The following EMC10 variants were observed in gnomAD, a reference collection of about 807,000 sequenced individuals.
The protein encoded by EMC10 is ER membrane protein complex subunit 10.
A neutral mutation model predicts 32.2 loss-of-function variants in EMC10; 40 were observed. The ratio of observed to expected loss-of-function variants is 1.24; its 90% CI spans 0.96 to 1.61. The LOEUF is 1.61. Ranked by LOEUF, EMC10 falls within the 40% of genes most tolerant of loss-of-function variation. The pLI, the probability that EMC10 is intolerant of heterozygous loss-of-function variation, is 0.00. For synonymous variants in EMC10, 178 were observed against 158.4 expected (o/e 1.12, Z -0.93); for missense variants, 402 against 357.7 (o/e 1.12, Z -1.00).
At position 50,476,572 on chromosome 19, in the gene EMC10, C is replaced by A; in HGVS notation, c.28C>A (p.Arg10=). ...GGCGGCAGCCAGCGCTGGGGCAACC[C>A]GGCTGCTCCTGCTCTTGCTGATGGC... MAAASAGAT[R]LLLLLLMAVA... The change falls in exon 1 of 7, where the codon CGG becomes AGG. Residue 10 remains arginine (R), a synonymous_variant. Coordinates refer to ENST00000334976, the MANE Select transcript of EMC10 (RefSeq NM_206538.4). 1 of 1,575,526 alleles carries A rather than the reference C, an allele frequency of 6.3e-7. No individual in the cohort carries two copies. Among genetic ancestry groups the A allele is most frequent in the African/African-American group, 1.3e-5 (1 of 74,078 alleles).
rs1470035356 is a variant in EMC10 at position 50,482,296 on chromosome 19, A to G, written c.*37A>G. Reference sequence around the variant, plus strand: ...GGTCAGCGTCCCGTCTTGCACACCCAGGGGCCTCCCTTTCTGCTGGAGTCC... The same window carrying G: ...GGTCAGCGTCCCGTCTTGCACACCCGGGGGCCTCCCTTTCTGCTGGAGTCC... On this transcript the variant is annotated 3_prime_UTR_variant, in exon 7 of 7. Transcript: ENST00000334976. 1 of 859,848 alleles carries G rather than the reference A, an allele frequency of 1.2e-6. No homozygotes were observed. The allele number at this position is 859,848 out of a possible 1,614,324, so 53.3% of individuals were successfully genotyped here. A position where few individuals can be genotyped will look rare whatever the true frequency, so the allele number is the denominator to read the frequency against.
Position 50,487,241 on chromosome 19 carries a change from C to T in EMC10, c.*4982C>T, listed in dbSNP as rs1407752863. ...TCAGTGCTGAGGTGCTTCATGTTGT[C>T]AGAGGAAGAGTTGGGAAGGGAGCGG... On this transcript the variant is annotated 3_prime_UTR_variant, in exon 7 of 7. Transcript: ENST00000334976. 1 of 152,194 alleles carries T rather than the reference C, an allele frequency of 6.6e-6. No homozygotes were observed. Among genetic ancestry groups the T allele is most frequent in the African/African-American group, 2.4e-5 (1 of 41,428 alleles). The allele number at this position is 152,194 out of a possible 1,614,324, so 9.4% of individuals were successfully genotyped here.
In EMC10 at chr19:50,482,315, G is replaced by C. The variant is rs1178065935; in HGVS notation, c.*56G>C. On this transcript the variant is annotated 3_prime_UTR_variant, in exon 7 of 7. Transcript: ENST00000334976. ...ACACCCAGGGGCCTCCCTTTCTGCT[G>C]GAGTCCCCTGTGTCCTCAGCCATCC... 1 of 750,964 alleles carries C rather than the reference G, an allele frequency of 1.3e-6. No individual in the cohort carries two copies. The highest frequency in any genetic ancestry group is 2.3e-6 in the Non-Finnish European group (1 of 443,084). 46.5% of individuals were successfully genotyped at this position (750,964 alleles called of 1,614,324 possible).
intron 2 of EMC10, 131 bp from the exon 3 acceptor site, chr19:50,478,826 G>A (rs886712085): frequency 1.5e-6 from 1 of 659,920 alleles, no homozygotes; most frequent in Non-Finnish European, 2.7e-6. Context: ...CAAAATGGGG[G>A]CCCAGATGGG....
intron 6 of EMC10, chr19:50,481,617 C>T: frequency 1.9e-6 from 1 of 532,782 alleles, no homozygotes; most frequent in Non-Finnish European, 3.3e-6. Flanking sequence ...TGGCCCGAGG[C>T]AGGCTAGGAG....
chr19:50,481,843 C>T (rs772509211), intron 6 of EMC10: 32 of 1,550,760 alleles, frequency 2.1e-5, no homozygotes, highest in South Asian at 9.4e-5. Flanking sequence ...CCCTGACCTG[C>T]GCTCCCTCCC....
intron 2 of EMC10, 106 bp from the exon 3 acceptor site, chr19:50,478,849 TCA>T: frequency 4.1e-6 from 3 of 739,872 alleles, no homozygotes; most frequent in Non-Finnish European, 6.9e-6. Context: ...GGGAACCTGG[TCA>T]CTCGGGTGGA....
rs1277451291 is a variant in EMC10, at chr19:50,476,660, T to A, written c.114+2T>A. 6.6e-7 allele frequency: 1 copy of A among 1,515,464 alleles called. No homozygotes were observed. The allele number at this position is 1,515,464 out of a possible 1,614,324, so 93.9% of individuals were successfully genotyped here. ...CGGGCCGGGACTGGTGCGCGAGGGG[T>A]GAGTGCTCTTTAGCTGTGCATAGCG... On this transcript the variant is annotated splice_donor_variant, in intron 1 of 6. Coordinates refer to ENST00000334976, the MANE Select transcript of EMC10 (RefSeq NM_206538.4). LOFTEE classifies it high-confidence loss of function.
Position 50,479,061 on chromosome 19 carries a change from C to G in EMC10, c.292C>G (p.Leu98Val), listed in dbSNP as rs1232013352. The change falls in exon 3 of 7, where the codon CTC becomes GTC. Residue 98 changes from leucine (L) to valine (V), a missense_variant. Coordinates refer to ENST00000334976, the MANE Select transcript of EMC10 (RefSeq NM_206538.4). ...GCTCAGCGAGGAGGAGCGGGGCCGA[C>G]TCCGGGTGAGGTGGGGCCCTCAGGG... Reference protein sequence around the residue: ...RQLSEEERGRLRDVAALNGLY... With the variant: ...RQLSEEERGRVRDVAALNGLY... 1.2e-6 allele frequency: 2 copies of G among 1,602,390 alleles called. No individual in the cohort carries two copies. Among genetic ancestry groups the G allele is most frequent in the African/African-American group, 1.3e-5 (1 of 74,652 alleles).
chr19:50,476,515 C>T lies in EMC10; in HGVS notation c.-30C>T, dbSNP rs778596731. ...GTGCTCCGCGGCTCTTGGCTCACAG[C>T]CGTCCCTTCGCTGGTGGGAAGAAGC... On this transcript the variant is annotated 5_prime_UTR_variant, in exon 1 of 7. Coordinates refer to ENST00000334976, the MANE Select transcript of EMC10 (RefSeq NM_206538.4). 62 of 1,569,386 alleles carry T rather than the reference C, an allele frequency of 4.0e-5. No homozygotes were observed. Among genetic ancestry groups the T allele is most frequent in the South Asian group, 2.3e-4 (20 of 88,118 alleles).
chr19:50,476,563 G>T lies in EMC10; in HGVS notation c.19G>T (p.Gly7Trp). 6.3e-7 allele frequency: 1 copy of T among 1,574,858 alleles called. No individual in the cohort carries two copies. Among genetic ancestry groups the T allele is most frequent in the Non-Finnish European group, 8.6e-7 (1 of 1,166,016 alleles). The change falls in exon 1 of 7, where the codon GGG becomes TGG. Residue 7 changes from glycine (G) to tryptophan (W), a missense_variant. Physicochemically the swap from Gly to Trp is radical, Grantham distance 184 (BLOSUM62 -2). Transcript: ENST00000334976. MAAASA[G>W]ATRLLLLLLM... ...AGCCGAGATGGCGGCAGCCAGCGCTGGGGCAACCCGGCTGCTCCTGCTCTT... is the reference window on the plus strand; with the variant it reads ...AGCCGAGATGGCGGCAGCCAGCGCTTGGGCAACCCGGCTGCTCCTGCTCTT...
At chr19:50,478,401 C>T (rs987008542) in intron 2 of EMC10, among the ~76,000 whole-genome samples, 6 of 152,190 alleles carry the variant, frequency 3.9e-5, no homozygotes, top group Non-Finnish European at 5.9e-5. Flanking sequence ...CACAAGGTCT[C>T]ATCGTGAGTG....
rs2040370909 is a variant in EMC10 at position 50,484,719 on chromosome 19, C to T, written c.*2460C>T. The T allele has an allele frequency of 6.6e-6, 1 of 152,184 alleles. No individual in the cohort carries two copies. The highest frequency in any genetic ancestry group is 2.1e-4 in the South Asian group (1 of 4,824). The allele number at this position is 152,184 out of a possible 1,614,324, so 9.4% of individuals were successfully genotyped here. On this transcript the variant is annotated 3_prime_UTR_variant, in exon 7 of 7. Coordinates refer to ENST00000334976, the MANE Select transcript of EMC10 (RefSeq NM_206538.4). ...TAGTGATTCATGCTTGTAGTCCCAG[C>T]TGTTTGGGAGGCTGAGACAGGAGGA...
At position 50,476,654 on chromosome 19, in the gene EMC10, G is replaced by C. The variant is rs992859590; in HGVS notation, c.110G>C (p.Arg37Pro). The change falls in exon 1 of 7, where the codon CGA becomes CCA. Residue 37 changes from arginine to proline, a missense_variant. Physicochemically the swap from Arg to Pro is moderately radical, Grantham distance 103. Transcript: ENST00000334976. ...GGCTGCCGGGCCGGGACTGGTGCGC[G>C]AGGGGTGAGTGCTCTTTAGCTGTGC... ...GSGCRAGTGARGAGAEGREGE... is the reference protein window; with the variant it reads ...GSGCRAGTGAPGAGAEGREGE... The C allele has an allele frequency of 6.6e-7, 1 of 1,526,642 alleles. No individual in the cohort carries two copies. Among genetic ancestry groups the C allele is most frequent in the South Asian group, 1.2e-5 (1 of 82,568 alleles). 94.6% of individuals were successfully genotyped at this position (1,526,642 alleles called of 1,614,324 possible). A position where few individuals can be genotyped will look rare whatever the true frequency, so the allele number is the denominator to read the frequency against.
At position 50,483,432 on chromosome 19, in the gene EMC10, G is replaced by T. The variant is rs544107873; in HGVS notation, c.*1173G>T. 22 of 175,054 alleles carry T rather than the reference G, an allele frequency of 1.3e-4. No homozygotes were observed. Among genetic ancestry groups the T allele is most frequent in the Middle Eastern group, 2.5e-3 (1 of 396 alleles). 10.8% of individuals were successfully genotyped at this position (175,054 alleles called of 1,614,324 possible). On this transcript the variant is annotated 3_prime_UTR_variant, in exon 7 of 7. Coordinates refer to ENST00000334976, the MANE Select transcript of EMC10 (RefSeq NM_206538.4). Reference sequence around the variant, plus strand: ...AGTCTCTCTTGGGTGTGGTTTGAATGATCTCGGGATGCATGACTAAAATGG... The same window carrying T: ...AGTCTCTCTTGGGTGTGGTTTGAATTATCTCGGGATGCATGACTAAAATGG...
Position 50,482,837 on chromosome 19 carries a change from C to A in EMC10, c.*578C>A. On this transcript the variant is annotated 3_prime_UTR_variant, in exon 7 of 7. Coordinates refer to ENST00000334976, the MANE Select transcript of EMC10 (RefSeq NM_206538.4). ...TGGCCGGGGGCTTCTGGGCCCGACG[C>A]CTAGTGCAGCCCCTGGGGTCGTGGT... 1.9e-6 allele frequency: 1 copy of A among 526,664 alleles called. No individual in the cohort carries two copies. The highest frequency in any genetic ancestry group is 3.3e-6 in the Non-Finnish European group (1 of 299,726). The allele number at this position is 526,664 out of a possible 1,614,324, so 32.6% of individuals were successfully genotyped here.
chr19:50,485,157 T>A lies in EMC10; in HGVS notation c.*2898T>A, dbSNP rs1290828640. 6.6e-6 allele frequency: 1 copy of A among 152,140 alleles called. No individual in the cohort carries two copies. Among genetic ancestry groups the A allele is most frequent in the Non-Finnish European group, 1.5e-5 (1 of 68,036 alleles). The allele number at this position is 152,140 out of a possible 1,614,324, so 9.4% of individuals were successfully genotyped here. A position where few individuals can be genotyped will look rare whatever the true frequency, so the allele number is the denominator to read the frequency against. On this transcript the variant is annotated 3_prime_UTR_variant, in exon 7 of 7. Transcript: ENST00000334976. ...GAGTCCCCCTGTTCTGCTGCATCAT[T>A]TTGCACACATATGTGTCTGTGGAAG...
chr19:50,478,908 TG>T (rs781713533), intron 2 of EMC10, 48 bp from the exon 3 acceptor site: 56 of 1,459,594 alleles, frequency 3.8e-5, no homozygotes, highest in Non-Finnish European at 5.1e-5. Flanking sequence ...CTGCCTGGGT[TG>T]AAGGGTGGGC....
At chr19:50,478,676 A>C in intron 2 of EMC10, among the ~76,000 whole-genome samples, 1 of 152,168 alleles carries the variant, frequency 6.6e-6, no homozygotes. Context: ...GGGGAAGCTG[A>C]GGCTCAGAGA....
Sources: gnomAD v4.1 joint callset for allele counts (sites outside exome capture counted in the v4.1 genomes callset) on GRCh38, gnomAD v4.1.1 for gene constraint, MANE v1.5 for transcripts, NCBI Gene and HGNC (gene_info 2026-07-23, HGNC 2026-07-21) for gene names.